NALF1: variants seen among roughly 807,000 people sequenced by gnomAD.
NALF1 encodes family with sequence similarity 155 member A.
A neutral mutation model predicts 48.4 loss-of-function variants in NALF1; 3 were observed. That is an observed-to-expected ratio of 0.06 (90% CI 0.03 to 0.16). NALF1 has a LOEUF of 0.16. NALF1 is among the 10% of genes least tolerant of loss of function. The pLI, the probability that NALF1 is intolerant of heterozygous loss-of-function variation, is 1.00. For synonymous variants in NALF1, 262 were observed against 245.7 expected (o/e 1.07, Z -0.62); for missense variants, 526 against 571.5 (o/e 0.92, Z 0.81).
rs185812957 is a variant in NALF1, at chr13:107,697,306, T to C, written c.915+168376A>G. 3.3e-5 allele frequency among the ~76,000 whole-genome samples: 5 copies of C among 152,236 alleles called. No individual in the cohort carries two copies. The East Asian group carries it at 5.8e-4, about 18-fold the overall frequency. On this transcript the variant is annotated intron_variant, in intron 1 of 2. Coordinates refer to ENST00000375915, the MANE Select transcript of NALF1 (RefSeq NM_001080396.3). ...TATGGCTCTGCTAAAAGATTCTTCA[T>C]AGCATTGGATTGTGAATACCTCACA... is the stretch of plus-strand genomic sequence containing the variant.
rs897858522 is a variant in NALF1 at position 107,283,476 on chromosome 13, C to T, written c.916-72721G>A. On this transcript the variant is annotated intron_variant, in intron 1 of 2. Transcript: ENST00000375915. Reference sequence around the variant, plus strand: ...AAAAAAAAAAATTGGCAACACAAATCGGTTAAAAAAATATGAGTGGCGCTT... The same window carrying T: ...AAAAAAAAAAATTGGCAACACAAATTGGTTAAAAAAATATGAGTGGCGCTT... 1.6e-4 allele frequency among the ~76,000 whole-genome samples: 25 copies of T among 151,808 alleles called. 1 individual carries two copies. The highest frequency in any genetic ancestry group is 5.9e-5 in the Non-Finnish European group (4 of 67,972).
intron 1 of NALF1, among the ~76,000 whole-genome samples, chr13:107,521,281 T>C (rs1010036329): frequency 2.0e-5 from 3 of 152,230 alleles, no homozygotes; most frequent in Admixed American, 6.5e-5. Flanking sequence ...ATCTGACTTA[T>C]AGTTCATCCC....
intron 2 of NALF1, among the ~76,000 whole-genome samples, chr13:107,174,524 T>A (rs1878876079): frequency 6.6e-6 from 1 of 151,546 alleles, no homozygotes; most frequent in African/African-American, 2.4e-5. Flanking sequence ...CCTGGCTAAT[T>A]TTTTGTATTT....
At chr13:107,726,612 T>C (rs1004910383) in intron 1 of NALF1, among the ~76,000 whole-genome samples, 1 of 37,024 alleles carries the variant, frequency 2.7e-5, no homozygotes, top group African/African-American at 6.9e-5. Context: ...GCAAATTCTT[T>C]TTTTTTTTTT....
chr13:107,181,189 G>C (rs1370459337), intron 2 of NALF1, among the ~76,000 whole-genome samples: 1 of 151,384 alleles, frequency 6.6e-6, no homozygotes, highest in Non-Finnish European at 1.5e-5. Flanking sequence ...TATTCTGTTT[G>C]TTAGTGAATT....
At chr13:107,320,434 T>G (rs1000939986) in intron 1 of NALF1, among the ~76,000 whole-genome samples, 1 of 152,148 alleles carries the variant, frequency 6.6e-6, no homozygotes, top group East Asian at 1.9e-4. Flanking sequence ...TCAAACGGAC[T>G]TCTTCCAAAT....
chr13:107,429,763 T>C (rs1302361080), intron 1 of NALF1, among the ~76,000 whole-genome samples: 3 of 152,102 alleles, frequency 2.0e-5, no homozygotes, highest in Non-Finnish European at 4.4e-5. Flanking sequence ...AGAACTAAAG[T>C]GCCTGAGATT....
intron 1 of NALF1, among the ~76,000 whole-genome samples, chr13:107,391,907 C>T (rs1353016868): frequency 6.6e-6 from 1 of 152,096 alleles, no homozygotes; most frequent in East Asian, 1.9e-4. Context: ...CTCCTGAGGG[C>T]TGTGTCACAG....
intron 1 of NALF1, among the ~76,000 whole-genome samples, chr13:107,402,271 G>A (rs921876732): frequency 6.6e-6 from 1 of 152,152 alleles, no homozygotes; most frequent in South Asian, 2.1e-4. Context: ...CAGCTAACAG[G>A]CAGCAAACAA....
At chr13:107,702,390 G>A (rs1704139316) in intron 1 of NALF1, among the ~76,000 whole-genome samples, 1 of 152,088 alleles carries the variant, frequency 6.6e-6, no homozygotes, top group African/African-American at 2.4e-5. Flanking sequence ...ACGTTTCTCA[G>A]AAGCAACCTG....
intron 1 of NALF1, among the ~76,000 whole-genome samples, chr13:107,284,256 G>A (rs1881446819): frequency 2.0e-5 from 3 of 152,042 alleles, no homozygotes; most frequent in Admixed American, 2.0e-4. Context: ...GGGGAGAATA[G>A]GATTTCCAGT....
chr13:107,470,315 T>C (rs556911803), intron 1 of NALF1, among the ~76,000 whole-genome samples: 3 of 152,180 alleles, frequency 2.0e-5, no homozygotes, highest in Admixed American at 6.5e-5. Context: ...AGGACACCTA[T>C]CCTCAAAAGT....
intron 1 of NALF1, among the ~76,000 whole-genome samples, chr13:107,467,261 T>G (rs1482180157): frequency 2.0e-5 from 3 of 151,720 alleles, no homozygotes; most frequent in Non-Finnish European, 4.4e-5. Context: ...CTATTACAAG[T>G]AGAAATGATA....
chr13:107,476,707 T>C (rs1013060377), intron 1 of NALF1, among the ~76,000 whole-genome samples: 1 of 152,044 alleles, frequency 6.6e-6, no homozygotes, highest in Non-Finnish European at 1.5e-5. Flanking sequence ...TGCAAATTTT[T>C]GCATTTAATA....
rs543071010 is a variant in NALF1, at chr13:107,227,304, C to T, written c.916-16549G>A. ...AATAACCCTCGATACTTCCAGAGAG[C>T]CCTCTGTGTCTAGCATTGAGTGTGC... On this transcript the variant is annotated intron_variant, in intron 1 of 2. Transcript: ENST00000375915. Among the ~76,000 whole-genome samples, 151 of 152,282 alleles carry T rather than the reference C, an allele frequency of 9.9e-4. 2 individuals carry two copies. In the South Asian group the frequency reaches 0.03, roughly 30 times the overall value.
chr13:107,819,726 G>GTCTC (rs141973692), intron 1 of NALF1, among the ~76,000 whole-genome samples: 86 of 121,608 alleles, frequency 7.1e-4, no homozygotes, highest in East Asian at 2.5e-3. Flanking sequence ...TCTGGAAACT[G>GTCTC]TCTCTCTCTC....
At chr13:107,174,920 GTC>G (rs1213842966) in intron 2 of NALF1, among the ~76,000 whole-genome samples, 6 of 150,668 alleles carry the variant, frequency 4.0e-5, no homozygotes, top group Admixed American at 2.0e-4. Flanking sequence ...GTCTCGCTCT[GTC>G]GCCCAGGCTG....
chr13:107,326,543 G>T (rs1371849153), intron 1 of NALF1, among the ~76,000 whole-genome samples: 4 of 152,098 alleles, frequency 2.6e-5, no homozygotes, highest in Non-Finnish European at 5.9e-5. Context: ...TAAGGAACTG[G>T]TCTACACATA....
chr13:107,546,081 ACCGCTGGG>A, intron 1 of NALF1, among the ~76,000 whole-genome samples: 2 of 152,114 alleles, frequency 1.3e-5, no homozygotes, highest in Middle Eastern at 6.8e-3. Context: ...ATCACCTGAA[ACCGCTGGG>A]CCTTCATTCT....
Sources: gnomAD v4.1 joint callset for allele counts (sites outside exome capture counted in the v4.1 genomes callset) on GRCh38, gnomAD v4.1.1 for gene constraint, MANE v1.5 for transcripts, NCBI Gene and HGNC (gene_info 2026-07-23, HGNC 2026-07-21) for gene names.